AEBP2: variants seen among roughly 807,000 people sequenced by gnomAD.
AEBP2 encodes the protein zinc finger protein AEBP2.
AEBP2 carries 10 observed loss-of-function variants against 50.8 expected under a neutral mutation model. The observed-to-expected ratio is 0.20, with a 90% CI of 0.12 to 0.33. The LOEUF is 0.33. Ranked by LOEUF, AEBP2 falls within the 10% of genes least tolerant of loss-of-function variation. AEBP2 has a pLI of 1.00. For synonymous variants in AEBP2, 296 were observed against 261.3 expected, an observed-to-expected ratio of 1.13 and a Z score of -1.28; for missense variants, 570 against 688.0, an observed-to-expected ratio of 0.83 and a Z score of 1.92.
At chr12:19,485,966 TTTC>T (rs1468820870) in intron 3 of AEBP2, among the ~76,000 whole-genome samples, 3 of 143,984 alleles carry the variant, frequency 2.1e-5, no homozygotes, top group African/African-American at 2.5e-5. Context: ...TTTTTTTTTT[TTTC>T]ATTTTGTTTG....
chr12:19,477,226 G>C (rs555415908), intron 3 of AEBP2, among the ~76,000 whole-genome samples: 1 of 152,210 alleles, frequency 6.6e-6, no homozygotes, highest in South Asian at 2.1e-4. Flanking sequence ...GGGTTTCCTA[G>C]GTATATGATC....
intron 5 of AEBP2, among the ~76,000 whole-genome samples, chr12:19,511,936 G>C (rs558423582): frequency 1.3e-5 from 2 of 152,054 alleles, no homozygotes; most frequent in Admixed American, 6.6e-5. Flanking sequence ...GAAAGACAAA[G>C]GTTTGAGTGC....
At chr12:19,506,962 G>A (rs1949162922) in intron 5 of AEBP2, among the ~76,000 whole-genome samples, 1 of 152,080 alleles carries the variant, frequency 6.6e-6, no homozygotes, top group Non-Finnish European at 1.5e-5. Flanking sequence ...GGAGAGGGGA[G>A]TATCAAGAGA....
At chr12:19,455,044 C>T (rs147389363) in intron 1 of AEBP2, among the ~76,000 whole-genome samples, 2,144 of 151,264 alleles carry the variant, frequency 0.014, 22 homozygotes, top group Non-Finnish European at 0.021. Flanking sequence ...GCTCTGTCAT[C>T]CAGGCTGGAG....
At chr12:19,458,559 A>G (rs1177699571) in intron 1 of AEBP2, among the ~76,000 whole-genome samples, 1 of 152,252 alleles carries the variant, frequency 6.6e-6, no homozygotes, top group East Asian at 1.9e-4. Flanking sequence ...AGTGTGTGAT[A>G]TCACACATAG....
At chr12:19,500,338 C>G in intron 5 of AEBP2, 117 bp downstream of exon 5, 4 of 1,061,216 alleles carry the variant, frequency 3.8e-6, no homozygotes, top group Non-Finnish European at 5.1e-6. Flanking sequence ...AATCACAAAA[C>G]CTTTTGTTTT....
chr12:19,512,354 G>GT lies in AEBP2; in HGVS notation c.1300-40dup, dbSNP rs772585106. The GT allele has an allele frequency of 2.0e-4, 271 of 1,334,406 alleles. 2 individuals carry two copies. The highest frequency in any genetic ancestry group is 1.0e-3 in the Middle Eastern group (5 of 4,900). The allele number at this position is 1,334,406 out of a possible 1,614,324, so 82.7% of individuals were successfully genotyped here. On this transcript the variant is annotated intron_variant, in intron 5 of 7. Transcript: ENST00000266508. ...TTTTTTAACAATACATGAAAATGAT[G>GT]TTTTACACATTGTTTTTATGATTTC...
intron 1 of AEBP2, chr12:19,457,231 T>C (rs1401566427): frequency 1.4e-5 from 23 of 1,598,304 alleles, no homozygotes; most frequent in African/African-American, 2.7e-5. Flanking sequence ...AAGGGCATGC[T>C]CCTAGGTTTG....
chr12:19,481,179 C>A (rs1948724534), intron 3 of AEBP2, among the ~76,000 whole-genome samples: 1 of 139,412 alleles, frequency 7.2e-6, no homozygotes, highest in African/African-American at 2.7e-5. Flanking sequence ...CCACTCACTT[C>A]AACCTCCGCC....
chr12:19,408,245 T>C (rs2153362928), intron 1 of AEBP2, among the ~76,000 whole-genome samples: 1 of 151,902 alleles, frequency 6.6e-6, no homozygotes, highest in East Asian at 1.9e-4. Flanking sequence ...AACTGGGCAG[T>C]TGGGAGGCAG....
At chr12:19,453,717 C>T (rs1948209490) in intron 1 of AEBP2, among the ~76,000 whole-genome samples, 1 of 152,190 alleles carries the variant, frequency 6.6e-6, no homozygotes, top group Admixed American at 6.5e-5. Flanking sequence ...AGCCACCGCA[C>T]CCGGACAAAT....
At chr12:19,466,738 C>T in intron 2 of AEBP2, 1 of 943,116 alleles carries the variant, frequency 1.1e-6, no homozygotes, top group Non-Finnish European at 1.3e-6. Context: ...TTTCTTCTTT[C>T]TCTCTTAAGT....
chr12:19,481,127 G>C (rs1473086872), intron 3 of AEBP2, among the ~76,000 whole-genome samples: 2 of 106,952 alleles, frequency 1.9e-5, no homozygotes, highest in African/African-American at 7.5e-5. Flanking sequence ...TTGAGACCGA[G>C]TCTCACTCTG....
chr12:19,501,319 G>A (rs1245765461), intron 5 of AEBP2, among the ~76,000 whole-genome samples: 5 of 134,456 alleles, frequency 3.7e-5, no homozygotes, highest in Admixed American at 3.3e-4. Context: ...CAGCAAGAGC[G>A]AAACTCCATC....
chr12:19,508,947 C>T (rs755870710), intron 5 of AEBP2: 19 of 451,772 alleles, frequency 4.2e-5, no homozygotes, highest in Admixed American at 1.2e-4. Context: ...TTCTACAATA[C>T]AGCCTCTAAC....
intron 5 of AEBP2, chr12:19,509,065 A>C: frequency 1.7e-6 from 1 of 593,592 alleles, no homozygotes; most frequent in South Asian, 1.6e-5. Context: ...GCAGACATGG[A>C]GGGGTTCGTG....
chr12:19,439,593 G>C lies in AEBP2; in HGVS notation c.-107G>C. Reference sequence around the variant, plus strand: ...TCGCGGGCCCTCCTCCTGCTCTGCAGCGGCGTCGGCGGAGTTTTGGGCGTT... The same window carrying C: ...TCGCGGGCCCTCCTCCTGCTCTGCACCGGCGTCGGCGGAGTTTTGGGCGTT... On this transcript the variant is annotated 5_prime_UTR_variant, in exon 1 of 8. Transcript: ENST00000266508. 1 of 1,398,530 alleles carries C rather than the reference G, an allele frequency of 7.2e-7. No homozygotes were observed. Among genetic ancestry groups the C allele is most frequent in the Non-Finnish European group, 9.5e-7 (1 of 1,055,096 alleles). 86.6% of individuals were successfully genotyped at this position (1,398,530 alleles called of 1,614,324 possible).
intron 1 of AEBP2, among the ~76,000 whole-genome samples, chr12:19,433,811 A>AG (rs1034818041): frequency 3.3e-5 from 5 of 152,106 alleles, no homozygotes; most frequent in Admixed American, 2.0e-4. Context: ...TCAAAAAAAA[A>AG]AAAGTATAAA....
At chr12:19,431,779 G>A (rs1225730767) in intron 1 of AEBP2, among the ~76,000 whole-genome samples, 2 of 152,244 alleles carry the variant, frequency 1.3e-5, no homozygotes, top group Non-Finnish European at 1.5e-5. Context: ...CCTGTAAGAT[G>A]TTATCTCTTT....
Sources: gnomAD v4.1 joint callset for allele counts (sites outside exome capture counted in the v4.1 genomes callset) on GRCh38, gnomAD v4.1.1 for gene constraint, MANE v1.5 for transcripts, NCBI Gene and HGNC (gene_info 2026-07-23, HGNC 2026-07-21) for gene names.